Variants in ZNF250 observed in about 807,000 individuals in gnomAD.
ZNF250 encodes the protein zinc finger protein 250.
Under a neutral mutation model 37.1 loss-of-function variants are expected in ZNF250, and 13 were observed. The observed-to-expected ratio is 0.35, with a 90% CI of 0.23 to 0.56. The LOEUF (loss-of-function observed/expected upper bound fraction) is 0.56. Ranked by LOEUF, ZNF250 falls within the 20% of genes least tolerant of loss-of-function variation. The pLI is 0.87. For synonymous variants in ZNF250, 251 were observed against 265.6 expected (o/e 0.94, Z 0.54); for missense variants, 474 against 697.9 (o/e 0.68, Z 3.61).
chr8:144,882,973 A>T lies in ZNF250; in HGVS notation c.347-137T>A, dbSNP rs923704506. 60 of 929,634 alleles carry T rather than the reference A, an allele frequency of 6.5e-5. No individual in the cohort carries two copies. Among genetic ancestry groups the T allele is most frequent in the Non-Finnish European group, 6.2e-5 (38 of 610,488 alleles). The allele number at this position is 929,634 out of a possible 1,614,324, so 57.6% of individuals were successfully genotyped here. A position where few individuals can be genotyped will look rare whatever the true frequency, so the allele number is the denominator to read the frequency against. On this transcript the variant is annotated intron_variant, in intron 5 of 5. Coordinates refer to ENST00000417550, the MANE Select transcript of ZNF250 (RefSeq NM_001109689.4). The surrounding 1 kb of genome is among the most constrained non-coding windows in gnomAD (Gnocchi z 5.5). ...TTGGTGTGAGCTACAGAAGAACAGAACCACCATAACTGTGTCAAACAACTA... is the reference window on the plus strand; with the variant it reads ...TTGGTGTGAGCTACAGAAGAACAGATCCACCATAACTGTGTCAAACAACTA...
intron 1 of ZNF250, among the ~76,000 whole-genome samples, chr8:144,896,008 C>CAAAA (rs1183288137): frequency 1.1e-3 from 69 of 64,922 alleles, no homozygotes; most frequent in African/African-American, 3.5e-3. Context: ...GACTCTGTCT[C>CAAAA]AAAAAAAAAA....
chr8:144,878,886 A>G lies in ZNF250; in HGVS notation c.*2629T>C, dbSNP rs1209852. On this transcript the variant is annotated 3_prime_UTR_variant, in exon 6 of 6. Coordinates refer to ENST00000417550, the MANE Select transcript of ZNF250 (RefSeq NM_001109689.4). ...ACCTCAGTGGTCAGAGCTACTCTGCAGTACCCACTAGTGATGTCAATTCCT... is the reference window on the plus strand; with the variant it reads ...ACCTCAGTGGTCAGAGCTACTCTGCGGTACCCACTAGTGATGTCAATTCCT... The G allele has an allele frequency of 0.3, 44,928 of 152,178 alleles. 7,498 individuals are homozygous for G. The highest frequency in any genetic ancestry group is 0.45 in the South Asian group (2,153 of 4,826). 9.4% of individuals were successfully genotyped at this position (152,178 alleles called of 1,614,324 possible).
rs750832263 is a variant in ZNF250 at position 144,882,675 on chromosome 8, G to A, written c.508C>T (p.Arg170Cys). Reference sequence around the variant, plus strand: ...CTTTGGCTTAAGACCTGAACTTCACGGTGGTCAACAGAGTTTGGACTCAGA... The same window carrying A: ...CTTTGGCTTAAGACCTGAACTTCACAGTGGTCAACAGAGTTTGGACTCAGA... ...FCLSPNSVDH[R>C]EVQVLSQSMP... The change falls in exon 6 of 6, where the codon CGT (arginine) becomes TGT (cysteine). Residue 170 changes from arginine to cysteine, a missense_variant. Physicochemically the swap from Arg to Cys is radical, Grantham distance 180. Around this residue, in one of 2 missense-constraint regions of ZNF250, gnomAD observed 192 missense variants for 227.5 expected, o/e 0.84. Coordinates refer to ENST00000417550, the MANE Select transcript of ZNF250 (RefSeq NM_001109689.4). This position sits in a 1 kb window ranked among gnomAD's most constrained non-coding sequence, Gnocchi z 5.5. 1.1e-5 allele frequency: 17 copies of A among 1,613,898 alleles called. No individual in the cohort carries two copies. Among genetic ancestry groups the A allele is most frequent in the Middle Eastern group, 1.6e-4 (1 of 6,084 alleles).
intron 1 of ZNF250, among the ~76,000 whole-genome samples, chr8:144,900,644 C>T (rs1167785133): frequency 6.6e-6 from 1 of 152,094 alleles, no homozygotes; most frequent in Non-Finnish European, 1.5e-5. Flanking sequence ...TAAAATAGGG[C>T]TCTAACACAG....
Position 144,888,648 on chromosome 8 carries a change from C to T in ZNF250, c.283+933G>A, listed in dbSNP as rs191821521. 5.8e-3 allele frequency among the ~76,000 whole-genome samples: 877 copies of T among 151,060 alleles called. 4 individuals are homozygous for T. Among genetic ancestry groups the T allele is most frequent in the Middle Eastern group, 0.014 (4 of 292 alleles). On this transcript the variant is annotated intron_variant, in intron 4 of 5. Coordinates refer to ENST00000417550, the MANE Select transcript of ZNF250 (RefSeq NM_001109689.4). ...GTATCCAGCAAAACTGGTAATTTCC[C>T]TTGTGAATTTTAATCAATCATTTTC...
intron 1 of ZNF250, among the ~76,000 whole-genome samples, chr8:144,892,882 C>T (rs371099811): frequency 1.4e-4 from 14 of 102,516 alleles, no homozygotes; most frequent in East Asian, 7.1e-4. Context: ...TTTTTTGAGA[C>T]GAAGTCTTGC....
In ZNF250 at chr8:144,881,406, G is replaced by T. The variant is rs1023642586; in HGVS notation, c.*109C>A. 51 of 1,425,590 alleles carry T rather than the reference G, an allele frequency of 3.6e-5. No homozygotes were observed. In the African/African-American group the frequency reaches 6.3e-4, roughly 18 times the overall value. 88.3% of individuals were successfully genotyped at this position (1,425,590 alleles called of 1,614,324 possible). A position where few individuals can be genotyped will look rare whatever the true frequency, so the allele number is the denominator to read the frequency against. On this transcript the variant is annotated 3_prime_UTR_variant, in exon 6 of 6. Coordinates refer to ENST00000417550, the MANE Select transcript of ZNF250 (RefSeq NM_001109689.4). ...TGGAGTTATTTTGTGACACTGAATC[G>T]CCAAAGAAAAGCTTCCTATAGAGTT...
At chr8:144,886,961 T>G in intron 4 of ZNF250, 59 bp from the exon 5 acceptor site, 2 of 1,523,324 alleles carry the variant, frequency 1.3e-6, no homozygotes, top group Non-Finnish European at 1.8e-6. Context: ...GAGTGGAAAA[T>G]CCTGGCCGGG....
intron 5 of ZNF250, among the ~76,000 whole-genome samples, chr8:144,884,770 A>G (rs945833821): frequency 1.3e-5 from 2 of 152,088 alleles, no homozygotes; most frequent in African/African-American, 4.8e-5. Context: ...GGATAATGCC[A>G]AACTTTTCCA....
chr8:144,882,912 T>C lies in ZNF250; in HGVS notation c.347-76A>G, dbSNP rs1015418417. 22 of 1,523,402 alleles carry C rather than the reference T, an allele frequency of 1.4e-5. No homozygotes were observed. Among genetic ancestry groups the C allele is most frequent in the Non-Finnish European group, 1.9e-5 (21 of 1,134,078 alleles). The allele number at this position is 1,523,402 out of a possible 1,614,324, so 94.4% of individuals were successfully genotyped here. ...AGCTAGTGCAACCCTGAAACTGGCCTTGCTGATGAAGGTGCAAAATCCCTC... is the reference window on the plus strand; with the variant it reads ...AGCTAGTGCAACCCTGAAACTGGCCCTGCTGATGAAGGTGCAAAATCCCTC... On this transcript the variant is annotated intron_variant, in intron 5 of 5. Coordinates refer to ENST00000417550, the MANE Select transcript of ZNF250 (RefSeq NM_001109689.4). This position sits in a 1 kb window ranked among gnomAD's most constrained non-coding sequence, Gnocchi z 5.5.
At chr8:144,900,389 C>T (rs1008850942) in intron 1 of ZNF250, among the ~76,000 whole-genome samples, 27 of 152,184 alleles carry the variant, frequency 1.8e-4, no homozygotes, top group African/African-American at 5.3e-4. Context: ...ACACCAGCTT[C>T]CCTTTGATGA....
intron 1 of ZNF250, among the ~76,000 whole-genome samples, chr8:144,892,938 C>T (rs1231081965): frequency 6.6e-6 from 1 of 151,488 alleles, no homozygotes; most frequent in Non-Finnish European, 1.5e-5. Context: ...TGGCTCACCG[C>T]AACCCCTGCC....
chr8:144,900,706 G>A (rs919316860), intron 1 of ZNF250, among the ~76,000 whole-genome samples: 4 of 152,162 alleles, frequency 2.6e-5, no homozygotes, highest in African/African-American at 9.6e-5. Context: ...AAGACACCCG[G>A]CAAGTAGCAC....
intron 1 of ZNF250, among the ~76,000 whole-genome samples, chr8:144,900,781 C>T (rs545856854): frequency 1.3e-5 from 2 of 152,298 alleles, no homozygotes; most frequent in East Asian, 1.9e-4. Context: ...CTTTTTATAG[C>T]TAAGTAAAGT....
chr8:144,898,434 A>C (rs140526529), intron 1 of ZNF250, among the ~76,000 whole-genome samples: 2 of 152,264 alleles, frequency 1.3e-5, no homozygotes, highest in Admixed American at 1.3e-4. Context: ...TCTATTCAAC[A>C]AATAGCAACA....
rs1831511925 is a variant in ZNF250 at position 144,882,016 on chromosome 8, G to A, written c.1167C>T (p.Pro389=). The change falls in exon 6 of 6, where the codon CCC becomes CCT. Residue 389 remains proline (P), a synonymous_variant. Transcript: ENST00000417550. The surrounding 1 kb of genome is among the most constrained non-coding windows in gnomAD (Gnocchi z 5.5). ...TCTTCCCACACTCACTGCACTCATA[G>A]GGCTTCTCCCCGGTGTGCACGTTGT... ...QHHNVHTGEK[P]YECSECGKTF... 2 of 1,613,918 alleles carry A rather than the reference G, an allele frequency of 1.2e-6. No individual in the cohort carries two copies. Among genetic ancestry groups the A allele is most frequent in the South Asian group, 1.1e-5 (1 of 91,070 alleles).
chr8:144,882,794 G>A lies in ZNF250; in HGVS notation c.389C>T (p.Pro130Leu), dbSNP rs749726284. The A allele has an allele frequency of 4.5e-5, 72 of 1,613,132 alleles. No individual in the cohort carries two copies. Among genetic ancestry groups the A allele is most frequent in the Middle Eastern group, 1.6e-4 (1 of 6,082 alleles). The change falls in exon 6 of 6, where the codon CCG (proline) becomes CTG (leucine). Residue 130 changes from proline (P) to leucine (L), a missense_variant. By Grantham distance (98) the Pro-to-Leu change is moderately conservative. Transcript: ENST00000417550. The surrounding 1 kb of genome is among the most constrained non-coding windows in gnomAD (Gnocchi z 5.5). ...TGTTTGCTCTGAAATTAATGGCTTCGGACTCAAGTCTGTATTTTGACTCTC... is the reference window on the plus strand; with the variant it reads ...TGTTTGCTCTGAAATTAATGGCTTCAGACTCAAGTCTGTATTTTGACTCTC... ...KGESQNTDLSPKPLISEQTVI... is the reference protein window; with the variant it reads ...KGESQNTDLSLKPLISEQTVI...
At chr8:144,884,739 GATC>G (rs1193112790) in intron 5 of ZNF250, among the ~76,000 whole-genome samples, 1 of 151,868 alleles carries the variant, frequency 6.6e-6, no homozygotes, top group African/African-American at 2.4e-5. Flanking sequence ...CTCAGAATGT[GATC>G]ATGTTTTCAA....
intron 5 of ZNF250, among the ~76,000 whole-genome samples, chr8:144,885,125 T>C (rs566352730): frequency 1.3e-5 from 2 of 152,380 alleles, no homozygotes; most frequent in South Asian, 4.1e-4. Context: ...TTCAGTTTAA[T>C]ACAATTTTTT....
Sources: allele counts gnomAD v4.1 joint callset (sites outside exome capture counted in the v4.1 genomes callset), GRCh38; gene constraint gnomAD v4.1.1; regional missense constraint gnomAD v4.1.1; non-coding constraint Gnocchi (gnomAD v3.1); transcripts MANE v1.5; gene names NCBI Gene and HGNC (gene_info 2026-07-23, HGNC 2026-07-21).